Variants in SEMA3C observed in about 807,000 individuals in gnomAD.
The protein encoded by SEMA3C is semaphorin-3C.
SEMA3C carries 47 observed loss-of-function variants against 89.4 expected under a neutral mutation model. That is an observed-to-expected ratio of 0.53 (90% CI 0.42 to 0.67). SEMA3C has a LOEUF of 0.67. Ranked by LOEUF, SEMA3C falls within the 30% of genes least tolerant of loss-of-function variation. The pLI is 0.00. For synonymous variants in SEMA3C, 310 were observed against 320.2 expected (o/e 0.97, Z 0.34); for missense variants, 839 against 929.1 (o/e 0.90, Z 1.26).
At chr7:80,840,291 G>A (rs1473658141) in intron 2 of SEMA3C, among the ~76,000 whole-genome samples, 1 of 151,936 alleles carries the variant, frequency 6.6e-6, no homozygotes, top group South Asian at 2.1e-4. Context: ...AGGCAATAGC[G>A]GGTGAATCAC....
rs111930808 is a variant in SEMA3C, at chr7:80,760,795, A to C, written c.1485+821T>G. 3.0e-3 allele frequency among the ~76,000 whole-genome samples: 450 copies of C among 152,306 alleles called. 3 individuals are homozygous for C. The highest frequency in any genetic ancestry group is 0.01 in the African/African-American group (432 of 41,570). On this transcript the variant is annotated intron_variant, in intron 14 of 17. Coordinates refer to ENST00000265361, the MANE Select transcript of SEMA3C (RefSeq NM_006379.5). ...TTTGTGAGAAGAGCATTACCTTACA[A>C]ATGTAGAAACTCAGGTCAGTGAAGT... is the stretch of plus-strand genomic sequence containing the variant.
At chr7:80,795,887 A>G (rs1242997121) in intron 11 of SEMA3C, among the ~76,000 whole-genome samples, 1 of 152,136 alleles carries the variant, frequency 6.6e-6, no homozygotes, top group Non-Finnish European at 1.5e-5. Context: ...TTACCACTCT[A>G]ATGTTCTTAA....
intron 2 of SEMA3C, among the ~76,000 whole-genome samples, chr7:80,853,261 G>A (rs1429101711): frequency 6.6e-6 from 1 of 152,120 alleles, no homozygotes; most frequent in East Asian, 1.9e-4. Context: ...CAATCCCATT[G>A]CTGGGTACAT....
chr7:80,773,741 G>A (rs762461433), intron 12 of SEMA3C, among the ~76,000 whole-genome samples: 7 of 152,160 alleles, frequency 4.6e-5, no homozygotes, highest in Non-Finnish European at 8.8e-5. Context: ...GAGTGTCAGA[G>A]CAAGGGAGGT....
intron 2 of SEMA3C, among the ~76,000 whole-genome samples, chr7:80,832,281 T>C (rs896526785): frequency 6.6e-6 from 1 of 152,168 alleles, no homozygotes; most frequent in Non-Finnish European, 1.5e-5. Flanking sequence ...ACTAAGTATA[T>C]TATTTTGGGA....
intron 2 of SEMA3C, among the ~76,000 whole-genome samples, chr7:80,875,392 C>A (rs930287546): frequency 1.6e-4 from 25 of 152,222 alleles, no homozygotes; most frequent in African/African-American, 6.0e-4. Context: ...AGTTTCAGTG[C>A]ACTCAGTATA....
chr7:80,827,614 C>CT (rs1222562687), intron 3 of SEMA3C, 127 bp from the exon 4 acceptor site: 9 of 534,268 alleles, frequency 1.7e-5, no homozygotes, highest in Non-Finnish European at 2.1e-5. Flanking sequence ...AAAATTCTTT[C>CT]TTTTTTATCA....
intron 2 of SEMA3C, among the ~76,000 whole-genome samples, chr7:80,859,839 G>A (rs577534552): frequency 6.6e-6 from 1 of 152,052 alleles, no homozygotes; most frequent in African/African-American, 2.4e-5. Flanking sequence ...TTTCTGAACT[G>A]AACTGAAATT....
chr7:80,755,151 G>GTT (rs1326541693), intron 15 of SEMA3C, among the ~76,000 whole-genome samples: 1 of 151,302 alleles, frequency 6.6e-6, no homozygotes, highest in East Asian at 1.9e-4. Flanking sequence ...ATTATTCATA[G>GTT]TTTAATATCA....
intron 2 of SEMA3C, among the ~76,000 whole-genome samples, chr7:80,861,258 A>G (rs1006192398): frequency 1.3e-5 from 2 of 152,130 alleles, no homozygotes; most frequent in Admixed American, 1.3e-4. Flanking sequence ...CATATAGAGT[A>G]TTTTCACAGG....
At chr7:80,913,056 T>C (rs1450279449) in intron 2 of SEMA3C, among the ~76,000 whole-genome samples, 1 of 152,166 alleles carries the variant, frequency 6.6e-6, no homozygotes, top group Non-Finnish European at 1.5e-5. Flanking sequence ...TTGGCAGCTT[T>C]ATTACTAAAA....
chr7:80,808,961 G>C (rs907085837), intron 6 of SEMA3C, among the ~76,000 whole-genome samples: 1 of 152,100 alleles, frequency 6.6e-6, no homozygotes, highest in African/African-American at 2.4e-5. Flanking sequence ...ATTTTTAGTA[G>C]AGACAGAATT....
intron 2 of SEMA3C, among the ~76,000 whole-genome samples, chr7:80,906,546 A>C (rs1395075625): frequency 6.6e-6 from 1 of 152,196 alleles, no homozygotes; most frequent in African/African-American, 2.4e-5. Context: ...AAAGAAGAGA[A>C]AAAAAAGAGA....
chr7:80,847,352 T>G (rs1790413570), intron 2 of SEMA3C: 1 of 152,170 alleles, frequency 6.6e-6, no homozygotes. Context: ...GTTACTGTAG[T>G]ATACAATAAG....
At chr7:80,773,608 T>C (rs546711267) in intron 12 of SEMA3C, among the ~76,000 whole-genome samples, 1 of 152,288 alleles carries the variant, frequency 6.6e-6, no homozygotes, top group African/African-American at 2.4e-5. Context: ...TTCCACACTT[T>C]CTGTCTGGGA....
intron 2 of SEMA3C, among the ~76,000 whole-genome samples, chr7:80,870,148 C>T (rs1234593051): frequency 6.6e-6 from 1 of 152,150 alleles, no homozygotes; most frequent in Non-Finnish European, 1.5e-5. Context: ...GCTACATGAG[C>T]ACTCCTAGTC....
At chr7:80,758,193 A>G in intron 15 of SEMA3C, 138 bp downstream of exon 15, 1 of 862,084 alleles carries the variant, frequency 1.2e-6, no homozygotes, top group Non-Finnish European at 1.8e-6. Flanking sequence ...TTCAAAGACT[A>G]TGTGTGGTGT....
At chr7:80,890,699 A>T (rs1184712304) in intron 2 of SEMA3C, among the ~76,000 whole-genome samples, 1 of 152,224 alleles carries the variant, frequency 6.6e-6, no homozygotes, top group Non-Finnish European at 1.5e-5. Flanking sequence ...CTCATGTCAG[A>T]GAAATAGTCC....
chr7:80,802,048 G>C (rs963911556), intron 9 of SEMA3C, among the ~76,000 whole-genome samples: 2 of 152,042 alleles, frequency 1.3e-5, no homozygotes, highest in Admixed American at 1.3e-4. Flanking sequence ...ATGACATTTA[G>C]TAAATATGAT....
Sources: gnomAD v4.1 joint callset for allele counts (sites outside exome capture counted in the v4.1 genomes callset) on GRCh38, gnomAD v4.1.1 for gene constraint, MANE v1.5 for transcripts, NCBI Gene and HGNC (gene_info 2026-07-23, HGNC 2026-07-21) for gene names.